MOB1B: variants seen among roughly 807,000 people sequenced by gnomAD.
The protein encoded by MOB1B is MOB1 Mps One Binder homolog B.
MOB1B carries 19 observed loss-of-function variants against 24.4 expected under a neutral mutation model. The observed-to-expected ratio is 0.78, with a 90% CI of 0.54 to 1.14. The LOEUF is 1.14. Ranked by LOEUF, MOB1B falls within the 50% of genes most tolerant of loss-of-function variation. The probability of loss-of-function intolerance (pLI) is 0.00; values close to 1 mark genes in which losing one functional copy is unlikely to be tolerated. For synonymous variants in MOB1B, 76 were observed against 82.1 expected (o/e 0.93, Z 0.40); for missense variants, 243 against 259.6 (o/e 0.94, Z 0.44).
intron 4 of MOB1B, chr4:70,975,663 A>G: frequency 1.0e-6 from 1 of 955,398 alleles, no homozygotes. Flanking sequence ...CTTTAAAAAA[A>G]TTATGATCAT....
chr4:70,953,365 A>G (rs1737892065), intron 1 of MOB1B, among the ~76,000 whole-genome samples: 1 of 152,182 alleles, frequency 6.6e-6, no homozygotes, highest in African/African-American at 2.4e-5. Context: ...AAGATTTTAA[A>G]AAGAGTATTT....
At chr4:70,915,065 T>G (rs530030183) in intron 1 of MOB1B, among the ~76,000 whole-genome samples, 1 of 152,366 alleles carries the variant, frequency 6.6e-6, no homozygotes, top group South Asian at 2.1e-4. Context: ...GCGACAGTGA[T>G]ACTTCGGTTA....
intron 1 of MOB1B, among the ~76,000 whole-genome samples, chr4:70,929,606 G>GAGTA (rs1246823456): frequency 6.6e-6 from 1 of 151,684 alleles, no homozygotes; most frequent in Non-Finnish European, 1.5e-5. Context: ...TCAGCCTCCT[G>GAGTA]AGTAGCTGGG....
chr4:70,904,816 G>C (rs1735673882), intron 1 of MOB1B, among the ~76,000 whole-genome samples: 1 of 151,814 alleles, frequency 6.6e-6, no homozygotes, highest in African/African-American at 2.4e-5. Flanking sequence ...TGAAACTAGG[G>C]GATGGAGAAG....
chr4:70,959,031 G>A lies in MOB1B; in HGVS notation c.172G>A (p.Ala58Thr). ...PEGEDLNEWV[A>T]VNTVDFFNQI... ...AGGGGAAGATCTCAATGAATGGGTT[G>A]CAGTTAACAGTAAGTAGCCTTTTTA... The change falls in exon 2 of 6, where the codon GCA (alanine) becomes ACA (threonine). Residue 58 changes from alanine (A) to threonine (T), a missense_variant. Coordinates refer to ENST00000309395, the MANE Select transcript of MOB1B (RefSeq NM_173468.4). 1 of 1,613,444 alleles carries A rather than the reference G, an allele frequency of 6.2e-7. No homozygotes were observed. Among genetic ancestry groups the A allele is most frequent in the South Asian group, 1.1e-5 (1 of 90,872 alleles).
In MOB1B at chr4:70,958,975, G is replaced by A. The variant is rs1355471384; in HGVS notation, c.116G>A (p.Gly39Asp). 6.2e-7 allele frequency: 1 copy of A among 1,613,976 alleles called. No homozygotes were observed. The highest frequency in any genetic ancestry group is 1.3e-5 in the African/African-American group (1 of 74,900). The change falls in exon 2 of 6, where the codon GGC becomes GAC. Residue 39 changes from glycine to aspartate, a missense_variant. By Grantham distance (94) the Gly-to-Asp change is moderately conservative (BLOSUM62 -1). Transcript: ENST00000309395. ...LKHAEATLGS[G>D]NLRMAVMLPE... ...CACGCAGAAGCCACACTTGGCAGTG[G>A]CAACCTTCGGATGGCTGTCATGCTT... is the stretch of plus-strand genomic sequence containing the variant.
chr4:70,958,148 A>C (rs1021535402), intron 1 of MOB1B, among the ~76,000 whole-genome samples: 1 of 151,384 alleles, frequency 6.6e-6, no homozygotes, highest in South Asian at 2.1e-4. Context: ...GTAGAAAAAC[A>C]TGTAGCTTTT....
rs954960382 is a variant in MOB1B, at chr4:70,923,708, T to A, written c.14+21158T>A. The stretch of plus-strand genomic sequence containing the variant: ...CTCAAGCCTGTAATCCCAGCACTCT[T>A]GGAGGCCAAGGCGGGCGGATCACAA... On this transcript the variant is annotated intron_variant, in intron 1 of 5. Transcript: ENST00000309395. 3.9e-5 allele frequency among the ~76,000 whole-genome samples: 6 copies of A among 151,902 alleles called. No individual in the cohort carries two copies. In the East Asian group the frequency reaches 9.7e-4, roughly 25 times the overall value.
chr4:70,928,463 T>C (rs1390351653), intron 1 of MOB1B, among the ~76,000 whole-genome samples: 2 of 151,900 alleles, frequency 1.3e-5, no homozygotes, highest in African/African-American at 4.8e-5. Flanking sequence ...GCCCGGCTAA[T>C]TTTTTGTATT....
chr4:70,942,476 C>T (rs1737389669), intron 1 of MOB1B, among the ~76,000 whole-genome samples: 1 of 152,030 alleles, frequency 6.6e-6, no homozygotes, highest in African/African-American at 2.4e-5. Flanking sequence ...TTGAATTTCT[C>T]ATAAATGCCA....
At chr4:70,911,242 A>G (rs1735975610) in intron 1 of MOB1B, among the ~76,000 whole-genome samples, 1 of 152,064 alleles carries the variant, frequency 6.6e-6, no homozygotes, top group Non-Finnish European at 1.5e-5. Flanking sequence ...CTGATGACCA[A>G]GTATTATCTT....
chr4:70,911,896 TC>T (rs1294640311), intron 1 of MOB1B, among the ~76,000 whole-genome samples: 3 of 151,118 alleles, frequency 2.0e-5, no homozygotes, highest in Non-Finnish European at 3.0e-5. Flanking sequence ...CTTAAGGCCA[TC>T]TTTTTTTTTT....
chr4:70,950,622 T>C, intron 1 of MOB1B: 2 of 629,362 alleles, frequency 3.2e-6, no homozygotes, highest in Non-Finnish European at 5.4e-6. Context: ...TGAGATATAT[T>C]GCATGTAAAA....
chr4:70,942,842 G>A (rs1336322531), intron 1 of MOB1B: 4 of 882,394 alleles, frequency 4.5e-6, no homozygotes, highest in East Asian at 1.4e-4. Flanking sequence ...TCATATTGTC[G>A]GATTATGAAA....
chr4:70,918,987 G>T (rs1736310454), intron 1 of MOB1B, among the ~76,000 whole-genome samples: 2 of 152,098 alleles, frequency 1.3e-5, no homozygotes, highest in Admixed American at 1.3e-4. Context: ...CATAAAAAAT[G>T]ATGAGTTCAT....
At chr4:70,927,121 A>G (rs1231979254) in intron 1 of MOB1B, among the ~76,000 whole-genome samples, 1 of 152,200 alleles carries the variant, frequency 6.6e-6, no homozygotes, top group Non-Finnish European at 1.5e-5. Flanking sequence ...TTCCAAGTCC[A>G]CTGGCTAATG....
chr4:70,941,289 T>A (rs1019842197), intron 1 of MOB1B, among the ~76,000 whole-genome samples: 5 of 152,180 alleles, frequency 3.3e-5, no homozygotes, highest in African/African-American at 9.6e-5. Context: ...CTCTAATTTC[T>A]GCTTACTTCT....
At chr4:70,928,619 G>A (rs1487353213) in intron 1 of MOB1B, among the ~76,000 whole-genome samples, 1 of 152,024 alleles carries the variant, frequency 6.6e-6, no homozygotes, top group Non-Finnish European at 1.5e-5. Context: ...TTTCATCACG[G>A]GTGGTGAGAG....
At chr4:70,976,644 GACA>G (rs928717396) in intron 4 of MOB1B, 13 of 970,554 alleles carry the variant, frequency 1.3e-5, no homozygotes, top group Non-Finnish European at 1.5e-5. Flanking sequence ...AAAAAAATGT[GACA>G]ACAATATAAA....
Sources: allele counts gnomAD v4.1 joint callset (sites outside exome capture counted in the v4.1 genomes callset), GRCh38; gene constraint gnomAD v4.1.1; transcripts MANE v1.5; gene names NCBI Gene and HGNC (gene_info 2026-07-23, HGNC 2026-07-21).